Variants in ULK4 observed in about 807,000 individuals in gnomAD.
The protein encoded by ULK4 is unc-51 like kinase 4.
In ULK4, 133 loss-of-function variants were observed where a neutral mutation model predicts 160.6. That is an observed-to-expected ratio of 0.83 (90% CI 0.72 to 0.96). ULK4 has a LOEUF of 0.96. Ranked by LOEUF, ULK4 falls within the 40% of genes least tolerant of loss-of-function variation. ULK4 has a pLI of 0.00. For synonymous variants in ULK4, 534 were observed against 539.8 expected, an observed-to-expected ratio of 0.99 and a Z score of 0.15; for missense variants, 1,580 against 1,499.5, an observed-to-expected ratio of 1.05 and a Z score of -0.89.
At chr3:41,419,847 T>C (rs1393730879) in intron 34 of ULK4, among the ~76,000 whole-genome samples, 3 of 151,884 alleles carry the variant, frequency 2.0e-5, no homozygotes, top group South Asian at 2.1e-4. Flanking sequence ...TTTCCATCTC[T>C]TCCTGAGGCC....
intron 34 of ULK4, among the ~76,000 whole-genome samples, chr3:41,453,573 T>C (rs1360100151): frequency 1.3e-5 from 2 of 152,210 alleles, no homozygotes; most frequent in African/African-American, 4.8e-5. Flanking sequence ...CTCATTAGCA[T>C]TACTAACTTC....
intron 30 of ULK4, among the ~76,000 whole-genome samples, chr3:41,646,926 G>C (rs535431176): frequency 6.6e-6 from 1 of 151,448 alleles, no homozygotes; most frequent in Non-Finnish European, 1.5e-5. Flanking sequence ...TTCCCTTCTC[G>C]CTTCATTTCA....
intron 32 of ULK4, among the ~76,000 whole-genome samples, chr3:41,491,863 T>C (rs1388822683): frequency 6.6e-6 from 1 of 151,678 alleles, no homozygotes; most frequent in Non-Finnish European, 1.5e-5. Context: ...GTATACCTTC[T>C]AATGCTATCC....
At chr3:41,428,407 G>GA (rs1261081125) in intron 34 of ULK4, among the ~76,000 whole-genome samples, 2 of 152,048 alleles carry the variant, frequency 1.3e-5, no homozygotes, top group East Asian at 1.9e-4. Flanking sequence ...CAAAGAATTA[G>GA]AAAAAACTAC....
intron 35 of ULK4, among the ~76,000 whole-genome samples, chr3:41,256,589 AAT>A (rs2078838350): frequency 6.6e-6 from 1 of 152,222 alleles, no homozygotes; most frequent in East Asian, 1.9e-4. Context: ...TGTAATTTTA[AAT>A]GGATGATGGA....
intron 36 of ULK4, among the ~76,000 whole-genome samples, chr3:41,249,210 C>T (rs567682040): frequency 6.6e-6 from 1 of 152,302 alleles, no homozygotes; most frequent in African/African-American, 2.4e-5. Flanking sequence ...TCTTCAGGGG[C>T]CTCAAGGTGG....
At position 41,484,567 on chromosome 3, in the gene ULK4, C is replaced by T. The variant is rs182722673; in HGVS notation, c.3227-21314G>A. Reference sequence around the variant, plus strand: ...TCCCGGGTTCACGCCATTCTACTGCCTCAGCCTCCGGAGTAGCTGGGACTA... The same window carrying T: ...TCCCGGGTTCACGCCATTCTACTGCTTCAGCCTCCGGAGTAGCTGGGACTA... On this transcript the variant is annotated intron_variant, in intron 32 of 36. Transcript: ENST00000301831. Among the ~76,000 whole-genome samples, 1,157 of 152,022 alleles carry T rather than the reference C, an allele frequency of 7.6e-3. 9 individuals are homozygous for T. The highest frequency in any genetic ancestry group is 0.037 in the South Asian group (176 of 4,812).
intron 32 of ULK4, among the ~76,000 whole-genome samples, chr3:41,476,599 T>C (rs2084152197): frequency 6.6e-6 from 1 of 152,124 alleles, no homozygotes; most frequent in Admixed American, 6.5e-5. Flanking sequence ...TGGGAAACAT[T>C]AAGCCATTCC....
intron 27 of ULK4, among the ~76,000 whole-genome samples, chr3:41,684,767 C>T (rs1865915): frequency 0.069 from 10,453 of 152,286 alleles, 998 homozygotes; most frequent in African/African-American, 0.21. Context: ...AAATTACCAT[C>T]TGAGCCTTAA....
intron 17 of ULK4, among the ~76,000 whole-genome samples, chr3:41,858,147 G>GTTTTTTTTTTTTTTTTT (rs71288052): frequency 7.6e-5 from 7 of 92,114 alleles, no homozygotes; most frequent in East Asian, 4.0e-4. Context: ...TTTTTTGTTT[G>GTTTTTTTTTTTTTTTTT]TTTTTTTTTT....
intron 1 of ULK4, among the ~76,000 whole-genome samples, chr3:41,957,714 G>GTA (rs1553692955): frequency 7.5e-6 from 1 of 133,044 alleles, no homozygotes; most frequent in Non-Finnish European, 1.6e-5. Context: ...CCATGTCTCA[G>GTA]AAAAAAAAAA....
chr3:41,928,566 T>G (rs1362674635), intron 5 of ULK4, among the ~76,000 whole-genome samples: 1 of 6,816 alleles, frequency 1.5e-4, no homozygotes, highest in African/African-American at 1.6e-4. Flanking sequence ...CTAGGAGCTG[T>G]TTTTTTTTAA....
intron 31 of ULK4, among the ~76,000 whole-genome samples, chr3:41,575,375 G>A (rs560601404): frequency 6.6e-6 from 1 of 152,086 alleles, no homozygotes; most frequent in African/African-American, 2.4e-5. Flanking sequence ...CAACGTGGTC[G>A]GGGCTTCTAG....
At chr3:41,754,285 A>G in intron 22 of ULK4, 76 bp downstream of exon 22, 1 of 1,483,484 alleles carries the variant, frequency 6.7e-7, no homozygotes, top group Non-Finnish European at 9.0e-7. Flanking sequence ...CACAGAGGCC[A>G]AGAAATACCC....
At position 41,739,295 on chromosome 3, in the gene ULK4, T is replaced by C. The variant is rs116985872; in HGVS notation, c.2321+15066A>G. ...CTCCTCTGTGTGGCCTTCTCTCACT[T>C]AATCCTGATTAAGAATTGTTTATGA... On this transcript the variant is annotated intron_variant, in intron 22 of 36. Transcript: ENST00000301831. Among the ~76,000 whole-genome samples the C allele has an allele frequency of 3.4e-4, 52 of 152,004 alleles. No individual in the cohort carries two copies. The East Asian group carries it at 9.6e-3, about 28-fold the overall frequency.
At chr3:41,844,349 C>T (rs1038020686) in intron 17 of ULK4, among the ~76,000 whole-genome samples, 22 of 152,144 alleles carry the variant, frequency 1.4e-4, no homozygotes, top group Non-Finnish European at 2.9e-4. Context: ...AGAAATCGAG[C>T]GCAGCGCCGG....
chr3:41,481,902 A>C (rs2084339788), intron 32 of ULK4, among the ~76,000 whole-genome samples: 1 of 152,014 alleles, frequency 6.6e-6, no homozygotes, highest in African/African-American at 2.4e-5. Context: ...TTGCAAAATA[A>C]TTAAGAAAAT....
At chr3:41,258,423 C>T (rs554525837) in intron 35 of ULK4, 2 of 152,076 alleles carry the variant, frequency 1.3e-5, no homozygotes, top group African/African-American at 2.4e-5. Context: ...TGATTACAGA[C>T]GTCAAGAGGG....
chr3:41,670,288 C>A (rs1387375260), intron 29 of ULK4, among the ~76,000 whole-genome samples: 1 of 152,114 alleles, frequency 6.6e-6, no homozygotes, highest in Non-Finnish European at 1.5e-5. Context: ...ATGGCTGATT[C>A]TTTTTGGCAT....
Sources: allele counts gnomAD v4.1 joint callset (sites outside exome capture counted in the v4.1 genomes callset), GRCh38; gene constraint gnomAD v4.1.1; transcripts MANE v1.5; gene names NCBI Gene and HGNC (gene_info 2026-07-23, HGNC 2026-07-21).